LSP1: variants seen among roughly 807,000 people sequenced by gnomAD.
The protein encoded by LSP1 is lymphocyte specific protein 1.
In LSP1, 32 loss-of-function variants were observed where a neutral mutation model predicts 49.3. The observed-to-expected ratio is 0.65, with a 90% CI of 0.49 to 0.87. The LOEUF (loss-of-function observed/expected upper bound fraction) is 0.87. Among genes scored for constraint, LSP1 ranks in the 40% least tolerant of loss-of-function variants. The probability of loss-of-function intolerance (pLI) is 0.00; values close to 1 mark genes in which losing one functional copy is unlikely to be tolerated. For synonymous variants in LSP1, 179 were observed against 178.8 expected (o/e 1.00, Z -0.01); for missense variants, 428 against 442.6 (o/e 0.97, Z 0.30).
Position 1,884,643 on chromosome 11 carries a change from C to T in LSP1, c.717+62C>T. On this transcript the variant is annotated intron_variant, in intron 7 of 10. Transcript: ENST00000311604. The surrounding 1 kb of genome is among the most constrained non-coding windows in gnomAD (Gnocchi z 4.1). ...TGCATCCTGGCACCATTCCTTCATC[C>T]AACCAACGCCCTTCCATCCAATCAG... 10 of 1,399,628 alleles carry T rather than the reference C, an allele frequency of 7.1e-6. No individual in the cohort carries two copies. The highest frequency in any genetic ancestry group is 1.0e-5 in the Non-Finnish European group (10 of 990,868). 86.7% of individuals were successfully genotyped at this position (1,399,628 alleles called of 1,614,324 possible). A position where few individuals can be genotyped will look rare whatever the true frequency, so the allele number is the denominator to read the frequency against.
rs371233475 is a variant in LSP1 at position 1,863,781 on chromosome 11, G to A, written c.53+10584G>A. 5.4e-4 allele frequency among the ~76,000 whole-genome samples: 83 copies of A among 152,308 alleles called. No individual in the cohort carries two copies. The East Asian group carries it at 9.9e-3, about 18-fold the overall frequency. ...CGCGGGCAAGGGGGGCCTGGCTGGC[G>A]AGGGCACCAGGCCCACTTTGTGCCC... is the stretch of plus-strand genomic sequence containing the variant. On this transcript the variant is annotated intron_variant, in intron 1 of 10. Coordinates refer to ENST00000311604, the MANE Select transcript of LSP1 (RefSeq NM_002339.3).
chr11:1,855,903 G>C (rs573183896), intron 1 of LSP1, among the ~76,000 whole-genome samples: 1 of 152,352 alleles, frequency 6.6e-6, no homozygotes, highest in East Asian at 1.9e-4. Flanking sequence ...TTGAGGCGAT[G>C]AGGACGGGGC....
At chr11:1,888,407 T>C (rs1289963669) in intron 10 of LSP1, among the ~76,000 whole-genome samples, 1 of 152,096 alleles carries the variant, frequency 6.6e-6, no homozygotes, top group African/African-American at 2.4e-5. Context: ...AGCCTGGGCA[T>C]GGCCAGTGCT....
chr11:1,889,848 G>A lies in LSP1; in HGVS notation c.*14-1925G>A. ...GAAGCCGGGTGGCGGCCGTGGTACA[G>A]GGGGCTCCTCAGGCAAGGGACTGGC... On this transcript the variant is annotated intron_variant, in intron 10 of 10. Coordinates refer to ENST00000311604, the MANE Select transcript of LSP1 (RefSeq NM_002339.3). The A allele has an allele frequency of 4.7e-6, 3 of 633,892 alleles. No homozygotes were observed. The South Asian group carries it at 5.5e-5, about 12-fold the overall frequency. The allele number at this position is 633,892 out of a possible 1,614,324, so 39.3% of individuals were successfully genotyped here.
At chr11:1,868,801 C>T (rs964900231) in intron 1 of LSP1, 7 of 985,660 alleles carry the variant, frequency 7.1e-6, no homozygotes, top group East Asian at 2.3e-4. Flanking sequence ...CAGAGGACGG[C>T]GGTTCAGGCT....
chr11:1,869,372 C>G (rs866131826), intron 1 of LSP1: 1 of 307,198 alleles, frequency 3.3e-6, no homozygotes, highest in South Asian at 2.8e-5. Flanking sequence ...AGCGAAGGCA[C>G]GAGAAAGAAA....
At position 1,887,682 on chromosome 11, in the gene LSP1, G is replaced by T. The variant is rs77912183; in HGVS notation, c.*13+106G>T. The T allele has an allele frequency of 3.5e-3, 2,872 of 824,662 alleles. 13 individuals are homozygous for T. The highest frequency in any genetic ancestry group is 5.0e-3 in the Non-Finnish European group (2,566 of 517,002). The allele number at this position is 824,662 out of a possible 1,614,324, so 51.1% of individuals were successfully genotyped here. ...CTGGAGCCCTGTTGCAGGCTACAAG[G>T]GTGGACTCCGAGTTGGCCAGAACCC... On this transcript the variant is annotated intron_variant, in intron 10 of 10. Coordinates refer to ENST00000311604, the MANE Select transcript of LSP1 (RefSeq NM_002339.3).
chr11:1,860,498 T>C (rs575976608), intron 1 of LSP1, among the ~76,000 whole-genome samples: 77 of 152,002 alleles, frequency 5.1e-4, no homozygotes, highest in Non-Finnish European at 9.9e-4. Context: ...AATGAGCAGA[T>C]GAACAAAAAA....
chr11:1,856,997 A>G (rs1285604283), intron 1 of LSP1, among the ~76,000 whole-genome samples: 2 of 152,158 alleles, frequency 1.3e-5, no homozygotes, highest in Non-Finnish European at 2.9e-5. Context: ...CTCCCTCCCT[A>G]CACCTTCCTG....
rs1398566055 is a variant in LSP1 at position 1,883,982 on chromosome 11, G to C, written c.549G>C (p.Gly183=). ...PRTPSPLVLE[G]TIEQSSPPLS... ...CACCCAGCCCCTTGGTCTTGGAGGGGACCATCGAACAGAGCTCGCCTCCCC... is the reference window on the plus strand; with the variant it reads ...CACCCAGCCCCTTGGTCTTGGAGGGCACCATCGAACAGAGCTCGCCTCCCC... Residue 183 remains glycine (G), a synonymous_variant, in exon 5 of 11, where the codon GGG becomes GGC. Coordinates refer to ENST00000311604, the MANE Select transcript of LSP1 (RefSeq NM_002339.3). 1.9e-6 allele frequency: 3 copies of C among 1,612,456 alleles called. No individual in the cohort carries two copies. Among genetic ancestry groups the C allele is most frequent in the Non-Finnish European group, 2.5e-6 (3 of 1,179,578 alleles).
chr11:1,878,237 G>A (rs1156471033), intron 1 of LSP1, among the ~76,000 whole-genome samples: 3 of 149,210 alleles, frequency 2.0e-5, no homozygotes, highest in African/African-American at 7.7e-5. Flanking sequence ...CCCAGCCTGC[G>A]CCGCCCTCTG....
chr11:1,866,952 C>T (rs1324980533), intron 1 of LSP1: 1 of 1,463,866 alleles, frequency 6.8e-7, no homozygotes, highest in East Asian at 2.5e-5. Flanking sequence ...ACCGTGTGGG[C>T]CCAGGCTCGG....
intron 10 of LSP1, chr11:1,890,628 C>A: frequency 1.5e-6 from 1 of 682,526 alleles, no homozygotes; most frequent in South Asian, 1.5e-5. Context: ...GGCCAGCCCT[C>A]CTCCCTCCTG....
intron 1 of LSP1, 89 bp from the exon 2 acceptor site, chr11:1,879,998 C>A (rs1442027483): frequency 6.6e-7 from 1 of 1,512,222 alleles, no homozygotes; most frequent in Admixed American, 1.9e-5. Flanking sequence ...CCGTGTGGCC[C>A]CAGCAAGGCC....
At chr11:1,858,443 G>A (rs1202441025) in intron 1 of LSP1, among the ~76,000 whole-genome samples, 4 of 152,238 alleles carry the variant, frequency 2.6e-5, no homozygotes, top group African/African-American at 9.6e-5. Flanking sequence ...GGACCAGCAA[G>A]GTCCTCCACT....
chr11:1,861,151 GA>G (rs1173777306), intron 1 of LSP1, among the ~76,000 whole-genome samples: 2 of 152,158 alleles, frequency 1.3e-5, no homozygotes, highest in African/African-American at 4.8e-5. Flanking sequence ...TTTCAAATAA[GA>G]AAAGAATTAC....
In LSP1 at chr11:1,886,816, G is replaced by A; in HGVS notation, c.802G>A (p.Glu268Lys). ...TGTGGCCAGTACCAAGAGTCGGTGG[G>A]AGACGGGTGAGGTACAGGCTCAGTC... is the stretch of plus-strand genomic sequence containing the variant. ...MAVASTKSRW[E>K]TGEVQAQSAA... The change falls in exon 8 of 11, where the codon GAG (glutamate) becomes AAG (lysine). Residue 268 changes from glutamate (E) to lysine (K), a missense_variant. Transcript: ENST00000311604. 6.2e-7 allele frequency: 1 copy of A among 1,611,748 alleles called. No individual in the cohort carries two copies. The highest frequency in any genetic ancestry group is 8.5e-7 in the Non-Finnish European group (1 of 1,179,780).
intron 1 of LSP1, among the ~76,000 whole-genome samples, chr11:1,867,826 GC>G (rs1224014201): frequency 8.6e-6 from 1 of 116,444 alleles, no homozygotes; most frequent in African/African-American, 3.3e-5. Context: ...CTGCCCCGTC[GC>G]CCCCCACCCC....
chr11:1,854,099 G>A (rs1237668614), intron 1 of LSP1, among the ~76,000 whole-genome samples: 1 of 152,192 alleles, frequency 6.6e-6, no homozygotes, highest in Admixed American at 6.5e-5. Flanking sequence ...GTGCGGTGCA[G>A]GGACAGGTAG....
Sources: allele counts gnomAD v4.1 joint callset (sites outside exome capture counted in the v4.1 genomes callset), GRCh38; gene constraint gnomAD v4.1.1; non-coding constraint Gnocchi (gnomAD v3.1); transcripts MANE v1.5; gene names NCBI Gene and HGNC (gene_info 2026-07-23, HGNC 2026-07-21).